The following DAB1 variants were observed in gnomAD, a reference collection of about 807,000 sequenced individuals.
The protein encoded by DAB1 is disabled homolog 1.
DAB1 carries 15 observed loss-of-function variants against 64.6 expected under a neutral mutation model. The ratio of observed to expected loss-of-function variants is 0.23; its 90% confidence interval spans 0.16 to 0.36. DAB1 has a LOEUF of 0.36. Ranked by LOEUF, DAB1 falls within the 10% of genes least tolerant of loss-of-function variation. DAB1 has a pLI of 1.00. For synonymous variants in DAB1, 235 were observed against 251.9 expected, an observed-to-expected ratio of 0.93 and a Z score of 0.64; for missense variants, 596 against 706.7, an observed-to-expected ratio of 0.84 and a Z score of 1.78.
At chr1:57,086,321 G>T (rs1387206261) in intron 4 of DAB1, among the ~76,000 whole-genome samples, 1 of 152,120 alleles carries the variant, frequency 6.6e-6, no homozygotes, top group African/African-American at 2.4e-5. Context: ...AACACAGTGT[G>T]CCAAGGGATG....
intron 2 of DAB1, among the ~76,000 whole-genome samples, chr1:57,240,743 T>C (rs1286792521): frequency 8.5e-5 from 13 of 152,196 alleles, no homozygotes; most frequent in Non-Finnish European, 1.8e-4. Flanking sequence ...GAAGGATGAA[T>C]ATGATGCTAC....
chr1:58,451,730 A>T lies in DAB1; in HGVS notation n.257+54330T>A, dbSNP rs1645138872. ...GGGCTTTAGTAAACATCAGGATAGAAAAAAATACCAAAGATAAACAGAGGG... is the reference window on the plus strand; with the variant it reads ...GGGCTTTAGTAAACATCAGGATAGATAAAAATACCAAAGATAAACAGAGGG... On this transcript the variant is annotated intron_variant and non_coding_transcript_variant, in intron 3 of 20. Transcript: ENST00000485760. Among the ~76,000 whole-genome samples, 3 of 152,330 alleles carry T rather than the reference A, an allele frequency of 2.0e-5. No individual in the cohort carries two copies. In the South Asian group the frequency reaches 6.2e-4, roughly 32 times the overall value.
At chr1:57,366,378 G>A (rs1329756161) in intron 1 of DAB1, among the ~76,000 whole-genome samples, 2 of 152,182 alleles carry the variant, frequency 1.3e-5, no homozygotes, top group Non-Finnish European at 2.9e-5. Flanking sequence ...GTAATAGCTA[G>A]ATGCATTTTT....
intron 4 of DAB1, among the ~76,000 whole-genome samples, chr1:58,247,880 C>G (rs987771713): frequency 5.2e-4 from 77 of 148,216 alleles, no homozygotes; most frequent in African/African-American, 1.8e-3. Flanking sequence ...ATCCCTGTCT[C>G]TCTATTTCTC....
At position 57,716,492 on chromosome 1, in the gene DAB1, C is replaced by T. The variant is rs201668442; in HGVS notation, n.552-66827G>A. Among the ~76,000 whole-genome samples the T allele has an allele frequency of 1.7e-4, 26 of 152,204 alleles. No individual in the cohort carries two copies. In the East Asian group the frequency reaches 2.3e-3, roughly 14 times the overall value. ...TGCGAAAATACACATTGGGGAAAGG[C>T]CAGTCTTGGAATAAGTGGGGCTGAG... On this transcript the variant is annotated intron_variant and non_coding_transcript_variant, in intron 6 of 20. Coordinates refer to the DAB1 transcript ENST00000485760.
At chr1:57,676,628 C>G (rs1334128017) in intron 6 of DAB1, among the ~76,000 whole-genome samples, 1 of 152,188 alleles carries the variant, frequency 6.6e-6, no homozygotes, top group Non-Finnish European at 1.5e-5. Context: ...GGAAAAATCT[C>G]AAGTCCTCAG....
intron 5 of DAB1, among the ~76,000 whole-genome samples, chr1:57,923,680 T>C (rs1488346012): frequency 2.0e-5 from 3 of 152,236 alleles, no homozygotes; most frequent in Admixed American, 2.0e-4. Context: ...AATGAGCCTG[T>C]GTCTCAATGT....
chr1:57,967,016 A>G (rs1385620360), intron 5 of DAB1, among the ~76,000 whole-genome samples: 1 of 152,232 alleles, frequency 6.6e-6, no homozygotes, highest in African/African-American at 2.4e-5. Flanking sequence ...GCAATAAAAT[A>G]AATTTTTTAA....
chr1:57,732,627 T>C (rs1366005614), intron 6 of DAB1, among the ~76,000 whole-genome samples: 1 of 152,194 alleles, frequency 6.6e-6, no homozygotes, highest in Non-Finnish European at 1.5e-5. Flanking sequence ...GCTTTAAAAA[T>C]CCATCATCAC....
chr1:57,091,029 C>A (rs1251332440), intron 4 of DAB1, among the ~76,000 whole-genome samples: 3 of 152,126 alleles, frequency 2.0e-5, no homozygotes, highest in African/African-American at 7.2e-5. Context: ...CCGCCCCACC[C>A]CAAACTGCTA....
At chr1:57,346,982 G>A (rs1678161172) in intron 1 of DAB1, among the ~76,000 whole-genome samples, 1 of 152,164 alleles carries the variant, frequency 6.6e-6, no homozygotes, top group South Asian at 2.1e-4. Flanking sequence ...CTTACGTACT[G>A]GTGGAGAAAA....
chr1:57,025,679 G>A (rs72903345), intron 10 of DAB1, among the ~76,000 whole-genome samples: 4 of 152,118 alleles, frequency 2.6e-5, no homozygotes, highest in Non-Finnish European at 4.4e-5. Context: ...CATCTCCTTC[G>A]GGCCTTTCTT....
chr1:57,705,982 T>G (rs1191165850), intron 6 of DAB1, among the ~76,000 whole-genome samples: 1 of 151,956 alleles, frequency 6.6e-6, no homozygotes, highest in African/African-American at 2.4e-5. Context: ...TTTTCACGGC[T>G]TACTTTTTTT....
chr1:57,695,299 G>GGAAAGAAAGAAAGAAAGAAA lies in DAB1; in HGVS notation n.552-45654_552-45635dup, dbSNP rs763060862. On this transcript the variant is annotated intron_variant and non_coding_transcript_variant, in intron 6 of 20. Transcript: ENST00000485760. ...AAGGAAGGAAGAAAGGGAGAGAGAA[G>GGAAAGAAAGAAAGAAAGAAA]GAAAGAAAGAAAGAAAGAAAGAAAG... Among the ~76,000 whole-genome samples, 42 of 37,214 alleles carry GGAAAGAAAGAAAGAAAGAAA rather than the reference G, an allele frequency of 1.1e-3. 2 individuals are homozygous for GGAAAGAAAGAAAGAAAGAAA. Among genetic ancestry groups the GGAAAGAAAGAAAGAAAGAAA allele is most frequent in the South Asian group, 2.1e-3 (2 of 966 alleles). 24.4% of individuals were successfully genotyped at this position (37,214 alleles called of 152,430 possible).
At chr1:58,268,020 G>A (rs1471224804) in intron 4 of DAB1, among the ~76,000 whole-genome samples, 3 of 152,080 alleles carry the variant, frequency 2.0e-5, no homozygotes, top group Admixed American at 1.3e-4. Flanking sequence ...TCTCATTGTC[G>A]CAGAGGAGAG....
At chr1:57,913,386 G>A (rs566576570) in intron 5 of DAB1, among the ~76,000 whole-genome samples, 2 of 152,314 alleles carry the variant, frequency 1.3e-5, no homozygotes, top group East Asian at 1.9e-4. Context: ...AAATTGGCTA[G>A]CCATATGTAG....
chr1:57,298,815 T>C (rs769358592), intron 1 of DAB1, among the ~76,000 whole-genome samples: 7 of 152,164 alleles, frequency 4.6e-5, no homozygotes, highest in Non-Finnish European at 1.0e-4. Context: ...CTGTAGAAGA[T>C]AGGCTATATG....
chr1:57,625,584 G>A (rs747028302), intron 7 of DAB1, among the ~76,000 whole-genome samples: 2 of 152,204 alleles, frequency 1.3e-5, no homozygotes, highest in Non-Finnish European at 2.9e-5. Flanking sequence ...AAGTTAAATA[G>A]AAGATGAAGC....
chr1:57,502,100 C>T (rs1304517877), intron 7 of DAB1, among the ~76,000 whole-genome samples: 1 of 152,002 alleles, frequency 6.6e-6, no homozygotes, highest in Non-Finnish European at 1.5e-5. Flanking sequence ...GCCAGTGGAT[C>T]ACGAGGTCAG....
Sources: gnomAD v4.1 joint callset for allele counts (sites outside exome capture counted in the v4.1 genomes callset) on GRCh38, gnomAD v4.1.1 for gene constraint, MANE v1.5 for transcripts, NCBI Gene and HGNC (gene_info 2026-07-23, HGNC 2026-07-21) for gene names.